ZFYVE16: variants seen among roughly 807,000 people sequenced by gnomAD.
ZFYVE16 encodes the protein zinc finger FYVE domain-containing protein 16.
Under a neutral mutation model 138.1 loss-of-function variants are expected in ZFYVE16, and 89 were observed. The observed-to-expected ratio is 0.64, with a 90% CI of 0.54 to 0.77. ZFYVE16 has a LOEUF of 0.77. Among genes scored for constraint, ZFYVE16 ranks in the 30% least tolerant of loss-of-function variants. ZFYVE16 has a pLI of 0.00. For missense variants in ZFYVE16, 1,793 were observed against 1,786.7 expected (o/e 1.00, Z -0.06); for synonymous variants, 596 against 618.3 (o/e 0.96, Z 0.53).
At position 80,436,796 on chromosome 5, in the gene ZFYVE16, T is replaced by C. The variant is rs1749977913; in HGVS notation, c.111T>C (p.Asp37=). ...DYLQDVQNAY[D]SNHCSVSSEL... ...TCCAAGATGTACAAAATGCATATGA[T>C]TCTAACCACTGCTCAGTTTCTTCAG... The change falls in exon 4 of 19, where the codon GAT becomes GAC. Residue 37 remains aspartate (D), a synonymous_variant. Coordinates refer to ENST00000505560, the MANE Select transcript of ZFYVE16 (RefSeq NM_001284236.3). The C allele has an allele frequency of 1.9e-6, 3 of 1,613,964 alleles. No individual in the cohort carries two copies. The Admixed American group carries it at 5.0e-5, about 27-fold the overall frequency.
At chr5:80,451,963 G>C in intron 11 of ZFYVE16, 1 of 393,232 alleles carries the variant, frequency 2.5e-6, no homozygotes, top group South Asian at 3.7e-5. Flanking sequence ...GAACAAAACA[G>C]AAAACTTTCA....
intron 5 of ZFYVE16, chr5:80,441,624 G>A (rs1357431034): frequency 1.0e-6 from 1 of 985,304 alleles, no homozygotes; most frequent in East Asian, 1.1e-4. Context: ...AAGATAATTT[G>A]AATAGAGATT....
Position 80,474,647 on chromosome 5 carries a change from A to G in ZFYVE16, c.4294-16A>G. 6.3e-7 allele frequency: 1 copy of G among 1,587,680 alleles called. No individual in the cohort carries two copies. Among genetic ancestry groups the G allele is most frequent in the Non-Finnish European group, 8.6e-7 (1 of 1,167,584 alleles). The stretch of plus-strand genomic sequence containing the variant: ...ACTTTTAATCATGACTTGTTTCCTA[A>G]TTAAATACATTTCAGGTGTTCTACT... On this transcript the variant is annotated splice_polypyrimidine_tract_variant and intron_variant, in intron 17 of 18. Coordinates refer to ENST00000505560, the MANE Select transcript of ZFYVE16 (RefSeq NM_001284236.3).
At position 80,434,093 on chromosome 5, in the gene ZFYVE16, A is replaced by G; in HGVS notation, c.-39-16A>G. 6.7e-7 allele frequency: 1 copy of G among 1,494,570 alleles called. No individual in the cohort carries two copies. Among genetic ancestry groups the G allele is most frequent in the South Asian group, 1.2e-5 (1 of 85,378 alleles). The allele number at this position is 1,494,570 out of a possible 1,614,324, so 92.6% of individuals were successfully genotyped here. ...ATGTAATTAAATGAAATATTATTAT[A>G]CTTTCTATTTTTTAGGCATACAAGA... On this transcript the variant is annotated splice_polypyrimidine_tract_variant and intron_variant, in intron 2 of 18. Transcript: ENST00000505560.
At position 80,457,089 on chromosome 5, in the gene ZFYVE16, A is replaced by G; in HGVS notation, c.3940A>G (p.Lys1314Glu). Residue 1314 changes from lysine (K) to glutamate (E), a missense_variant, in exon 14 of 19, where the codon AAA becomes GAA. By Grantham distance (56) the Lys-to-Glu change is moderately conservative (BLOSUM62 1). Around this residue, in one of 2 missense-constraint regions of ZFYVE16, gnomAD observed 498 missense variants for 582.4 expected, o/e 0.86. Transcript: ENST00000505560. ...CAACAGTGCCACTGGCCATCCTAGA[A>G]AAGGTGAGCATCTTGGTTCCTAGTG... ...QANSATGHPR[K>E]VTGASFVVFN... 6.2e-7 allele frequency: 1 copy of G among 1,610,954 alleles called. No homozygotes were observed.
intron 6 of ZFYVE16, chr5:80,444,024 CTGTT>C: frequency 3.1e-6 from 1 of 321,660 alleles, no homozygotes; most frequent in Non-Finnish European, 6.1e-6. Flanking sequence ...TTTGAGTTGT[CTGTT>C]CTTTTTTACA....
intron 2 of ZFYVE16, among the ~76,000 whole-genome samples, chr5:80,433,354 G>A (rs1490116665): frequency 2.0e-5 from 3 of 152,064 alleles, no homozygotes; most frequent in Admixed American, 6.6e-5. Flanking sequence ...ACCAAACACC[G>A]CATATTCTCA....
intron 1 of ZFYVE16, chr5:80,409,581 G>A (rs1745124084): frequency 6.6e-6 from 1 of 152,192 alleles, no homozygotes. Context: ...CTTAGAAGAG[G>A]AGCGTGGCAT....
chr5:80,431,121 C>G (rs1276873545), intron 2 of ZFYVE16, among the ~76,000 whole-genome samples: 2 of 152,158 alleles, frequency 1.3e-5, no homozygotes, highest in East Asian at 3.8e-4. Context: ...CAAAGCCTGG[C>G]AGAGGCACAA....
chr5:80,440,624 A>C, intron 5 of ZFYVE16: 1 of 975,318 alleles, frequency 1.0e-6, no homozygotes, highest in East Asian at 1.2e-4. Context: ...TACAATTATT[A>C]GCAATATTCT....
In ZFYVE16 at chr5:80,435,485, C is replaced by T. The variant is rs953157388; in HGVS notation, c.70+1268C>T. Among the ~76,000 whole-genome samples the T allele has an allele frequency of 2.0e-5, 3 of 152,168 alleles. No homozygotes were observed. In the East Asian group the frequency reaches 5.8e-4, roughly 29 times the overall value. On this transcript the variant is annotated intron_variant, in intron 3 of 18. Coordinates refer to ENST00000505560, the MANE Select transcript of ZFYVE16 (RefSeq NM_001284236.3). ...CGTCTGGGTGTTATTTTCTTTAAAA[C>T]GAAGACTAGGAAACTGGAAGTCAAA...
Position 80,436,983 on chromosome 5 carries a change from C to G in ZFYVE16, c.298C>G (p.Leu100Val). The G allele has an allele frequency of 6.2e-7, 1 of 1,614,126 alleles. No homozygotes were observed. The highest frequency in any genetic ancestry group is 8.5e-7 in the Non-Finnish European group (1 of 1,180,014). ...ACAAAATGAAAAAAATGTAACAGGA[C>G]TTGATCTTCTTTCTTCTGTGGATGG... Reference protein sequence around the residue: ...SIQNEKNVTGLDLLSSVDGGT... With the variant: ...SIQNEKNVTGVDLLSSVDGGT... The change falls in exon 4 of 19, where the codon CTT (leucine) becomes GTT (valine). Residue 100 changes from leucine (L) to valine (V), a missense_variant. This residue lies in a region of ZFYVE16 where 1,295 missense variants were observed against 1,204.3 expected (regional missense o/e 1.08). Coordinates refer to ENST00000505560, the MANE Select transcript of ZFYVE16 (RefSeq NM_001284236.3).
chr5:80,415,318 A>G (rs577811619), intron 1 of ZFYVE16, among the ~76,000 whole-genome samples: 3 of 152,314 alleles, frequency 2.0e-5, no homozygotes, highest in Admixed American at 6.5e-5. Flanking sequence ...CATTTGTTAT[A>G]ATTAGTGAAC....
In ZFYVE16 at chr5:80,443,234, C is replaced by T; in HGVS notation, c.2531C>T (p.Pro844Leu). The change falls in exon 6 of 19, where the codon CCT becomes CTT. Residue 844 changes from proline to leucine, a missense_variant. This residue lies in a region of ZFYVE16 where 1,295 missense variants were observed against 1,204.3 expected (regional missense o/e 1.08). Coordinates refer to ENST00000505560, the MANE Select transcript of ZFYVE16 (RefSeq NM_001284236.3). ...PPQENQTSSIPSPATLPVSAL... is the reference protein window; with the variant it reads ...PPQENQTSSILSPATLPVSAL... ...CAGGAGAACCAAACATCCAGTATAC[C>T]TTCACCAGCAACTTTGCCAGTCTCA... 1 of 1,611,424 alleles carries T rather than the reference C, an allele frequency of 6.2e-7. No homozygotes were observed. Among genetic ancestry groups the T allele is most frequent in the African/African-American group, 1.3e-5 (1 of 74,782 alleles).
Position 80,438,055 on chromosome 5 carries a change from A to G in ZFYVE16, c.1370A>G (p.Asp457Gly), listed in dbSNP as rs1750194897. Reference sequence around the variant, plus strand: ...GAAGGGATGGAAGACAGAAAGATAGATCCTGACCAGACAGTAATCAGAGCT... The same window carrying G: ...GAAGGGATGGAAGACAGAAAGATAGGTCCTGACCAGACAGTAATCAGAGCT... ...LIEGMEDRKI[D>G]PDQTVIRAES... The change falls in exon 4 of 19, where the codon GAT (aspartate) becomes GGT (glycine). Residue 457 changes from aspartate to glycine, a missense_variant. Physicochemically the swap from Asp to Gly is moderately conservative, Grantham distance 94. Transcript: ENST00000505560. 1.2e-6 allele frequency: 2 copies of G among 1,614,068 alleles called. No homozygotes were observed. Among genetic ancestry groups the G allele is most frequent in the Middle Eastern group, 1.6e-4 (1 of 6,062 alleles).
intron 7 of ZFYVE16, among the ~76,000 whole-genome samples, chr5:80,446,403 A>G (rs1377104063): frequency 6.6e-6 from 1 of 152,186 alleles, no homozygotes; most frequent in Non-Finnish European, 1.5e-5. Flanking sequence ...ACATTAGCAG[A>G]AATAATATTT....
rs1211637139 is a variant in ZFYVE16, at chr5:80,481,630, CATTCTT to C, written c.*4256_*4261del. 2.6e-5 allele frequency among the ~76,000 whole-genome samples: 4 copies of C among 152,120 alleles called. No individual in the cohort carries two copies. The highest frequency in any genetic ancestry group is 4.4e-5 in the Non-Finnish European group (3 of 68,022). ...CTGCTAAAACAAAACAAAACAAAAA[CATTCTT>C]ATGAAGATTTAAACAGGATAGAGAA... is the stretch of plus-strand genomic sequence containing the variant. On this transcript the variant is annotated 3_prime_UTR_variant, in exon 19 of 19. Coordinates refer to ENST00000505560, the MANE Select transcript of ZFYVE16 (RefSeq NM_001284236.3).
rs767387372 is a variant in ZFYVE16, at chr5:80,474,670, A to G, written c.4301A>G (p.Tyr1434Cys). ...EKIVKCTEVFYFLKDQDLSIL... is the reference protein window; with the variant it reads ...EKIVKCTEVFCFLKDQDLSIL... ...TAATTAAATACATTTCAGGTGTTCT[A>G]CTTTCTAAAGGACCAGGATTTATCT... Residue 1434 changes from tyrosine (Y) to cysteine (C), a missense_variant, in exon 18 of 19, where the codon TAC (tyrosine) becomes TGC (cysteine). By Grantham distance (194) the Tyr-to-Cys change is radical. Transcript: ENST00000505560. The G allele has an allele frequency of 2.2e-5, 35 of 1,608,358 alleles. No individual in the cohort carries two copies. Among genetic ancestry groups the G allele is most frequent in the Admixed American group, 6.8e-5 (4 of 58,414 alleles).
At chr5:80,440,280 A>C in intron 5 of ZFYVE16, 1 of 1,124,468 alleles carries the variant, frequency 8.9e-7, no homozygotes, top group Non-Finnish European at 1.1e-6. Context: ...AACAGGTACC[A>C]AGTCCCTAAA....
Sources: gnomAD v4.1 joint callset for allele counts (sites outside exome capture counted in the v4.1 genomes callset) on GRCh38, gnomAD v4.1.1 for gene constraint, gnomAD v4.1.1 regional missense constraint, MANE v1.5 for transcripts, NCBI Gene and HGNC (gene_info 2026-07-23, HGNC 2026-07-21) for gene names.